Variants in RORA observed in about 807,000 individuals in gnomAD.
The protein encoded by RORA is RAR related orphan receptor A.
A neutral mutation model predicts 69.5 loss-of-function variants in RORA; 7 were observed. The ratio of observed to expected loss-of-function variants is 0.10; its 90% CI spans 0.06 to 0.19. RORA has a LOEUF of 0.19. RORA is among the 10% of genes least tolerant of loss of function. The pLI is 1.00. For missense variants in RORA, 457 were observed against 663.0 expected, an observed-to-expected ratio of 0.69 and a Z score of 3.41; for synonymous variants, 261 against 240.8, an observed-to-expected ratio of 1.08 and a Z score of -0.78.
chr15:60,993,841 G>A lies in RORA; in HGVS notation c.166+235212C>T, dbSNP rs190186465. On this transcript the variant is annotated intron_variant, in intron 1 of 10. Transcript: ENST00000335670. ...CACAAACAGTGCTACTAGTAGCTTG[G>A]ATAAAGACAATTTAGGGGGTGGATC... 3.7e-3 allele frequency among the ~76,000 whole-genome samples: 569 copies of A among 152,104 alleles called. 1 individual carries two copies. The highest frequency in any genetic ancestry group is 6.1e-3 in the Admixed American group (93 of 15,274).
intron 1 of RORA, among the ~76,000 whole-genome samples, chr15:61,149,644 C>G (rs2079381173): frequency 2.0e-5 from 3 of 152,084 alleles, no homozygotes; most frequent in Non-Finnish European, 4.4e-5. Context: ...TGTTGAGATT[C>G]CATATGAACT....
intron 1 of RORA, among the ~76,000 whole-genome samples, chr15:60,938,459 G>A (rs1892593479): frequency 6.6e-6 from 1 of 152,194 alleles, no homozygotes; most frequent in African/African-American, 2.4e-5. Flanking sequence ...AGTTGCCACT[G>A]TAGATGATCT....
chr15:61,209,105 T>C (rs965948965), intron 1 of RORA, among the ~76,000 whole-genome samples: 1 of 152,222 alleles, frequency 6.6e-6, no homozygotes, highest in East Asian at 1.9e-4. Flanking sequence ...GAATCAGCTC[T>C]AAAAGCCTCA....
chr15:60,763,076 T>TTTTTTTTTTTTTTTTTTTTTTTC, intron 1 of RORA, among the ~76,000 whole-genome samples: 1 of 118,714 alleles, frequency 8.4e-6, no homozygotes, highest in Non-Finnish European at 1.9e-5. Context: ...TTTTTTTTTT[T>TTTTTTTTTTTTTTTTTTTTTTTC]TTTTTTTTTT....
At chr15:60,830,529 G>A (rs926164228) in intron 1 of RORA, among the ~76,000 whole-genome samples, 2 of 152,240 alleles carry the variant, frequency 1.3e-5, no homozygotes, top group East Asian at 3.9e-4. Flanking sequence ...CAGATTTATT[G>A]TCCTTAATAA....
At chr15:60,739,881 T>C (rs113437511) in intron 1 of RORA, among the ~76,000 whole-genome samples, 5 of 152,278 alleles carry the variant, frequency 3.3e-5, no homozygotes, top group African/African-American at 1.2e-4. Flanking sequence ...CTTTTTCCCA[T>C]GTTAACTTTA....
chr15:60,683,069 G>A (rs748951213), intron 1 of RORA, among the ~76,000 whole-genome samples: 33 of 152,172 alleles, frequency 2.2e-4, no homozygotes, highest in Middle Eastern at 3.4e-3. Context: ...GGAGTGCAGC[G>A]GCACCATCAT....
intron 1 of RORA, among the ~76,000 whole-genome samples, chr15:60,701,837 G>A (rs891441854): frequency 2.6e-5 from 4 of 152,184 alleles, no homozygotes; most frequent in African/African-American, 9.7e-5. Context: ...AAAGGGCTGT[G>A]AGGTTATCAG....
intron 1 of RORA, among the ~76,000 whole-genome samples, chr15:60,990,810 G>A (rs1298899105): frequency 1.3e-5 from 2 of 152,044 alleles, no homozygotes; most frequent in Non-Finnish European, 2.9e-5. Context: ...CAATATTTGA[G>A]GGTGCCAAGC....
chr15:60,815,932 TATAAATA>T (rs1707950359), intron 1 of RORA, among the ~76,000 whole-genome samples: 1 of 143,294 alleles, frequency 7.0e-6, no homozygotes, highest in African/African-American at 2.7e-5. Context: ...GTATATATAC[TATAAATA>T]GTGTATATAT....
chr15:60,875,474 C>T (rs559862830), intron 1 of RORA, among the ~76,000 whole-genome samples: 11 of 152,226 alleles, frequency 7.2e-5, no homozygotes, highest in Non-Finnish European at 1.3e-4. Context: ...CTCAGGATCT[C>T]GTCTGATCAC....
In RORA at chr15:60,660,037, C is replaced by A. The variant is rs576341140; in HGVS notation, c.196+18620G>T. On this transcript the variant is annotated intron_variant, in intron 2 of 10. Coordinates refer to ENST00000335670, the MANE Select transcript of RORA (RefSeq NM_134261.3). ...AATTATTTACTATCATCTAAAGAAC[C>A]AATCAATATTCAAATTTCATCAATC... Among the ~76,000 whole-genome samples the A allele has an allele frequency of 3.9e-5, 6 of 152,036 alleles. No individual in the cohort carries two copies. In the South Asian group the frequency reaches 1.2e-3, roughly 32 times the overall value.
At chr15:60,636,326 A>G (rs2069839203) in intron 2 of RORA, among the ~76,000 whole-genome samples, 1 of 152,200 alleles carries the variant, frequency 6.6e-6, no homozygotes, top group African/African-American at 2.4e-5. Flanking sequence ...ACTTGCATCA[A>G]ATGTGGGAGG....
chr15:60,916,289 C>T (rs760823938), intron 1 of RORA, among the ~76,000 whole-genome samples: 3 of 152,158 alleles, frequency 2.0e-5, no homozygotes, highest in Non-Finnish European at 2.9e-5. Flanking sequence ...ATCTGATTGG[C>T]CAGGGATTGC....
intron 2 of RORA, among the ~76,000 whole-genome samples, chr15:60,647,434 C>T (rs932836032): frequency 1.3e-5 from 2 of 152,204 alleles, no homozygotes; most frequent in African/African-American, 4.8e-5. Context: ...CTTGGAAGAC[C>T]TTGGCAGATT....
chr15:60,627,194 A>C (rs796472634), intron 2 of RORA: 2 of 1,577,064 alleles, frequency 1.3e-6, no homozygotes, highest in African/African-American at 1.3e-5. Flanking sequence ...GGGAGGGTAC[A>C]CAGTGATCAG....
intron 1 of RORA, among the ~76,000 whole-genome samples, chr15:60,957,518 C>T (rs541331410): frequency 3.3e-5 from 5 of 152,294 alleles, no homozygotes; most frequent in African/African-American, 1.2e-4. Flanking sequence ...TTCATTAAGT[C>T]GATGCTTATG....
chr15:61,157,756 T>C (rs2079457699), intron 1 of RORA, among the ~76,000 whole-genome samples: 1 of 152,202 alleles, frequency 6.6e-6, no homozygotes, highest in African/African-American at 2.4e-5. Flanking sequence ...TGGCCCTAGT[T>C]TCGTGACTGC....
chr15:60,711,344 G>A (rs963888909), intron 1 of RORA, among the ~76,000 whole-genome samples: 1 of 152,120 alleles, frequency 6.6e-6, no homozygotes, highest in Non-Finnish European at 1.5e-5. Context: ...TGTCCAAGTA[G>A]CTGCCAGCAT....
Sources: gnomAD v4.1 joint callset for allele counts (sites outside exome capture counted in the v4.1 genomes callset) on GRCh38, gnomAD v4.1.1 for gene constraint, MANE v1.5 for transcripts, NCBI Gene and HGNC (gene_info 2026-07-23, HGNC 2026-07-21) for gene names.